The following PSMG2 variants were observed in gnomAD, a reference collection of about 807,000 sequenced individuals.
The protein encoded by PSMG2 is CD40 ligand-activated specific transcript 3.
A neutral mutation model predicts 31.5 loss-of-function variants in PSMG2; 21 were observed. That is an observed-to-expected ratio of 0.67 (90% CI 0.47 to 0.96). PSMG2 has a LOEUF of 0.96. Among genes scored for constraint, PSMG2 ranks in the 40% least tolerant of loss-of-function variants. PSMG2 has a pLI of 0.00. For missense variants in PSMG2, 318 were observed against 321.2 expected, an observed-to-expected ratio of 0.99 and a Z score of 0.08; for synonymous variants, 120 against 110.4, an observed-to-expected ratio of 1.09 and a Z score of -0.54.
intron 1 of PSMG2, among the ~76,000 whole-genome samples, chr18:12,691,983 T>G (rs1299138838): frequency 6.6e-6 from 1 of 152,068 alleles, no homozygotes; most frequent in Admixed American, 6.6e-5. Flanking sequence ...CCTCCCAAAG[T>G]GCTGGGATTA....
chr18:12,678,456 A>G (rs1256036107), intron 1 of PSMG2: 2 of 1,511,358 alleles, frequency 1.3e-6, no homozygotes, highest in Non-Finnish European at 1.8e-6. Flanking sequence ...AAAAAATTAA[A>G]TAATTTTATA....
Position 12,672,839 on chromosome 18 carries a change from A to G in PSMG2, c.-37+14066A>G, listed in dbSNP as rs556062889. The G allele has an allele frequency of 4.1e-6, 4 of 985,090 alleles. No homozygotes were observed. The South Asian group carries it at 1.9e-4, about 46-fold the overall frequency. 61.0% of individuals were successfully genotyped at this position (985,090 alleles called of 1,614,324 possible). On this transcript the variant is annotated intron_variant, in intron 1 of 6. Transcript: ENST00000585331. Reference sequence around the variant, plus strand: ...TCAAGGTCCAACCATAAATTTCTGGACAGTCTCAAATATCCCAAGGACCAC... The same window carrying G: ...TCAAGGTCCAACCATAAATTTCTGGGCAGTCTCAAATATCCCAAGGACCAC...
chr18:12,678,310 T>A (rs751610398), intron 1 of PSMG2: 1 of 1,614,186 alleles, frequency 6.2e-7, no homozygotes. Flanking sequence ...AGGTTTCTAC[T>A]GCATCAGAGG....
intron 1 of PSMG2, among the ~76,000 whole-genome samples, chr18:12,683,940 T>G (rs1270882729): frequency 6.6e-6 from 1 of 151,218 alleles, no homozygotes; most frequent in African/African-American, 2.4e-5. Flanking sequence ...AGGTAAAGTT[T>G]CACCATTACT....
intron 1 of PSMG2, chr18:12,658,801 A>T: frequency 3.2e-6 from 1 of 313,496 alleles, no homozygotes; most frequent in Non-Finnish European, 6.5e-6. Context: ...GGGGATCTTT[A>T]CGGGTTTTCC....
At chr18:12,710,591 T>C (rs1271818529) in intron 2 of PSMG2, among the ~76,000 whole-genome samples, 1 of 152,184 alleles carries the variant, frequency 6.6e-6, no homozygotes, top group Non-Finnish European at 1.5e-5. Flanking sequence ...TATTGTTTTG[T>C]ACAATGTCCC....
At chr18:12,677,395 G>A (rs1484530958) in intron 1 of PSMG2, among the ~76,000 whole-genome samples, 1 of 137,174 alleles carries the variant, frequency 7.3e-6, no homozygotes, top group Non-Finnish European at 1.5e-5. Context: ...CCAAGATCAC[G>A]CCACTGTGCC....
intron 1 of PSMG2, among the ~76,000 whole-genome samples, chr18:12,683,428 A>G (rs1011973175): frequency 4.6e-5 from 7 of 151,970 alleles, no homozygotes; most frequent in Non-Finnish European, 7.4e-5. Flanking sequence ...AGTTCCTACA[A>G]TAGGGAAATA....
chr18:12,712,913 G>A (rs1197961387), intron 3 of PSMG2, among the ~76,000 whole-genome samples, 153 bp downstream of exon 3: 1 of 152,142 alleles, frequency 6.6e-6, no homozygotes, highest in African/African-American at 2.4e-5. Flanking sequence ...TATTTCAGAT[G>A]TGTTACTGTC....
At chr18:12,711,903 G>A (rs886474563) in intron 2 of PSMG2, among the ~76,000 whole-genome samples, 3 of 151,942 alleles carry the variant, frequency 2.0e-5, no homozygotes, top group African/African-American at 4.8e-5. Context: ...ACAGGTGCCC[G>A]CCGCCAAGCC....
At chr18:12,717,722 C>G (rs185749333) in intron 3 of PSMG2, among the ~76,000 whole-genome samples, 1 of 152,162 alleles carries the variant, frequency 6.6e-6, no homozygotes, top group Non-Finnish European at 1.5e-5. Flanking sequence ...AGTTGTTATC[C>G]TTCAGAGTAA....
chr18:12,688,246 A>C (rs933107682), intron 1 of PSMG2, among the ~76,000 whole-genome samples: 7 of 151,836 alleles, frequency 4.6e-5, no homozygotes, highest in South Asian at 2.1e-4. Context: ...AAAAAAAAAA[A>C]ACAAAACCTA....
intron 2 of PSMG2, among the ~76,000 whole-genome samples, chr18:12,711,750 C>CTT (rs34631690): frequency 0.098 from 9,510 of 97,518 alleles, 893 homozygotes; most frequent in Non-Finnish European, 0.13. Flanking sequence ...GCTTCTCATT[C>CTT]TTTTTTTTTT....
At chr18:12,716,047 G>A (rs995610119) in intron 3 of PSMG2, among the ~76,000 whole-genome samples, 15 of 152,094 alleles carry the variant, frequency 9.9e-5, no homozygotes, top group African/African-American at 3.6e-4. Context: ...CCTTTGCGGG[G>A]TTCACCCATG....
intron 1 of PSMG2, among the ~76,000 whole-genome samples, chr18:12,662,955 G>A (rs1316437934): frequency 6.6e-5 from 10 of 152,138 alleles, no homozygotes; most frequent in African/African-American, 2.2e-4. Flanking sequence ...CATTATAAAT[G>A]TATGACGTTC....
chr18:12,669,005 C>A (rs2038869993), intron 1 of PSMG2, among the ~76,000 whole-genome samples: 1 of 139,132 alleles, frequency 7.2e-6, no homozygotes, highest in East Asian at 2.1e-4. Context: ...CTCCCAATTA[C>A]AGGCTTGAGC....
At chr18:12,709,927 C>T (rs1350183596) in intron 2 of PSMG2, among the ~76,000 whole-genome samples, 1 of 151,832 alleles carries the variant, frequency 6.6e-6, no homozygotes, top group Non-Finnish European at 1.5e-5. Flanking sequence ...TGAGCCACCA[C>T]GCCCAGCCCT....
chr18:12,687,686 C>G (rs2039591856), intron 1 of PSMG2, among the ~76,000 whole-genome samples: 2 of 151,650 alleles, frequency 1.3e-5, no homozygotes, highest in South Asian at 4.2e-4. Flanking sequence ...CTCCTGACCT[C>G]AAGTGATCCG....
At chr18:12,673,306 A>G (rs1053042568) in intron 1 of PSMG2, 4 of 1,554,012 alleles carry the variant, frequency 2.6e-6, no homozygotes, top group African/African-American at 1.4e-5. Flanking sequence ...TAGCTAAGTA[A>G]TGTACAATGT....
Sources: allele counts gnomAD v4.1 joint callset (sites outside exome capture counted in the v4.1 genomes callset), GRCh38; gene constraint gnomAD v4.1.1; transcripts MANE v1.5; gene names NCBI Gene and HGNC (gene_info 2026-07-23, HGNC 2026-07-21).